The following ACBD3 variants were observed in gnomAD, a reference collection of about 807,000 sequenced individuals.
ACBD3 encodes acyl-CoA binding domain containing 3, also known as Golgi resident protein GCP60.
A neutral mutation model predicts 66.9 loss-of-function variants in ACBD3; 30 were observed. The observed-to-expected ratio is 0.45, with a 90% confidence interval of 0.34 to 0.61. The LOEUF is 0.61. ACBD3 is among the 20% of genes least tolerant of loss of function. ACBD3 has a pLI of 0.02. For missense variants in ACBD3, 544 were observed against 664.5 expected, an observed-to-expected ratio of 0.82 and a Z score of 1.99; for synonymous variants, 278 against 259.8, an observed-to-expected ratio of 1.07 and a Z score of -0.68.
chr1:226,159,365 A>G lies in ACBD3; in HGVS notation c.729-7T>C, dbSNP rs1240410003. 2 of 1,613,814 alleles carry G rather than the reference A, an allele frequency of 1.2e-6. No homozygotes were observed. Among genetic ancestry groups the G allele is most frequent in the African/African-American group, 1.3e-5 (1 of 74,916 alleles). On this transcript the variant is annotated splice_region_variant and splice_polypyrimidine_tract_variant and intron_variant, in intron 4 of 7. Transcript: ENST00000366812. ...AGCTGCCATTATCTGCTGCCTAAAA[A>G]CATTAAAAATATATATACTAGTCTG...
chr1:226,177,956 C>G (rs1299162040), intron 1 of ACBD3, among the ~76,000 whole-genome samples: 1 of 151,788 alleles, frequency 6.6e-6, no homozygotes, highest in Non-Finnish European at 1.5e-5. Context: ...CCATATTGCG[C>G]AGGCTGGTCT....
chr1:226,150,679 G>C (rs2102774206), intron 7 of ACBD3, among the ~76,000 whole-genome samples: 1 of 152,100 alleles, frequency 6.6e-6, no homozygotes, highest in African/African-American at 2.4e-5. Context: ...GTCCGGCCCA[G>C]GCTTTTTCAA....
intron 1 of ACBD3, among the ~76,000 whole-genome samples, chr1:226,167,361 T>C (rs907154879): frequency 6.6e-6 from 1 of 152,186 alleles, no homozygotes; most frequent in Non-Finnish European, 1.5e-5. Flanking sequence ...AGTTTATTCA[T>C]CAATAAAGAA....
Position 226,174,379 on chromosome 1 carries a change from A to G in ACBD3, c.287-8379T>C, listed in dbSNP as rs192376172. On this transcript the variant is annotated intron_variant, in intron 1 of 7. Transcript: ENST00000366812. ...CTTGGAAAAGAAAACATGCAGATAA[A>G]CCTCTAATTAAACATGATAGATTGA... Among the ~76,000 whole-genome samples the G allele has an allele frequency of 1.1e-3, 175 of 152,264 alleles. 1 individual carries two copies. Among genetic ancestry groups the G allele is most frequent in the Non-Finnish European group, 2.1e-3 (140 of 68,018 alleles).
chr1:226,178,649 C>T (rs1656104826), intron 1 of ACBD3, among the ~76,000 whole-genome samples: 1 of 149,636 alleles, frequency 6.7e-6, no homozygotes, highest in Admixed American at 6.7e-5. Context: ...TATTTTTTCT[C>T]TTCTCTCTGG....
chr1:226,149,879 T>C (rs1281607142), intron 7 of ACBD3, among the ~76,000 whole-genome samples: 1 of 151,744 alleles, frequency 6.6e-6, no homozygotes, highest in African/African-American at 2.4e-5. Context: ...TTTGTATGCA[T>C]ACAAAAAACT....
At chr1:226,163,391 AC>A (rs761535739) in intron 3 of ACBD3, among the ~76,000 whole-genome samples, 2 of 152,166 alleles carry the variant, frequency 1.3e-5, no homozygotes, top group Non-Finnish European at 2.9e-5. Flanking sequence ...CCCTAGCGAT[AC>A]CTGATTGATC....
Position 226,186,397 on chromosome 1 carries a change from G to A in ACBD3, c.279C>T (p.Phe93=), listed in dbSNP as rs1003507612. 18 of 1,519,486 alleles carry A rather than the reference G, an allele frequency of 1.2e-5. No individual in the cohort carries two copies. Among genetic ancestry groups the A allele is most frequent in the Non-Finnish European group, 1.6e-5 (18 of 1,133,906 alleles). 94.1% of individuals were successfully genotyped at this position (1,519,486 alleles called of 1,614,324 possible). The change falls in exon 1 of 8, where the codon TTC becomes TTT. Residue 93 remains phenylalanine, a synonymous_variant. Coordinates refer to ENST00000366812, the MANE Select transcript of ACBD3 (RefSeq NM_022735.4). ...GGGGCTGGCCCGGCTCACCTTTGAA[G>A]AAGCGCAGTGCCAGGCCGTACAACT... ...LEELYGLALR[F]FKEKDGKAFH... is the part of the protein sequence containing the mutation.
chr1:226,170,302 C>T (rs570052867), intron 1 of ACBD3, among the ~76,000 whole-genome samples: 170 of 148,714 alleles, frequency 1.1e-3, no homozygotes, highest in Non-Finnish European at 1.9e-3. Context: ...GGACTGCAGG[C>T]GCCCGCCACC....
chr1:226,165,840 T>C lies in ACBD3; in HGVS notation c.428+19A>G, dbSNP rs555922789. Reference sequence around the variant, plus strand: ...AACATTATCCTCATTAAATTCACTATACAGAAAAACACTGTTACCTCCTGT... The same window carrying C: ...AACATTATCCTCATTAAATTCACTACACAGAAAAACACTGTTACCTCCTGT... On this transcript the variant is annotated intron_variant, in intron 2 of 7. Transcript: ENST00000366812. 2 of 1,598,488 alleles carry C rather than the reference T, an allele frequency of 1.3e-6. No individual in the cohort carries two copies. The highest frequency in any genetic ancestry group is 1.8e-5 in the Admixed American group (1 of 55,184).
At chr1:226,185,810 T>C (rs557037993) in intron 1 of ACBD3, among the ~76,000 whole-genome samples, 18 of 152,130 alleles carry the variant, frequency 1.2e-4, no homozygotes, top group African/African-American at 3.9e-4. Flanking sequence ...CCTCAAGAGT[T>C]TGACAAGCCG....
intron 7 of ACBD3, among the ~76,000 whole-genome samples, chr1:226,149,537 T>A (rs1659524326): frequency 2.0e-5 from 2 of 102,182 alleles, no homozygotes; most frequent in Admixed American, 2.0e-4. Flanking sequence ...ATCTTTTTTT[T>A]TTTTTTTTTT....
At chr1:226,152,761 A>C in intron 6 of ACBD3, 142 bp from the exon 7 acceptor site, 1 of 797,296 alleles carries the variant, frequency 1.3e-6, no homozygotes, top group South Asian at 1.9e-5. Context: ...TTGGAGGAAT[A>C]AAAAAGCCTC....
At chr1:226,181,195 A>C (rs1243375203) in intron 1 of ACBD3, among the ~76,000 whole-genome samples, 1 of 152,194 alleles carries the variant, frequency 6.6e-6, no homozygotes, top group Non-Finnish European at 1.5e-5. Flanking sequence ...AGATAATAAA[A>C]GGGAAAAAGA....
chr1:226,158,071 ACT>A (rs918924276), intron 5 of ACBD3, among the ~76,000 whole-genome samples: 1 of 152,102 alleles, frequency 6.6e-6, no homozygotes, highest in African/African-American at 2.4e-5. Context: ...TCTTGAATAA[ACT>A]CTGGTTTGGC....
chr1:226,159,040 C>G (rs1185761329), intron 5 of ACBD3, 144 bp downstream of exon 5: 2 of 863,168 alleles, frequency 2.3e-6, no homozygotes, highest in African/African-American at 3.4e-5. Context: ...ATTCTCAAGT[C>G]TGCCTAAAAG....
At chr1:226,184,484 G>A (rs1022326799) in intron 1 of ACBD3, among the ~76,000 whole-genome samples, 2 of 152,036 alleles carry the variant, frequency 1.3e-5, no homozygotes, top group Non-Finnish European at 2.9e-5. Context: ...GTTTCCCCAG[G>A]ATTCCTACCA....
intron 4 of ACBD3, among the ~76,000 whole-genome samples, chr1:226,160,337 G>A (rs1487818847): frequency 6.6e-5 from 10 of 151,764 alleles, no homozygotes; most frequent in Admixed American, 5.9e-4. Flanking sequence ...CAAGTGATCC[G>A]CCCGCCTCGG....
chr1:226,172,116 C>T (rs1660004481), intron 1 of ACBD3, among the ~76,000 whole-genome samples: 1 of 136,314 alleles, frequency 7.3e-6, no homozygotes, highest in Non-Finnish European at 1.5e-5. Context: ...GATCGTGCCA[C>T]TGTACTCCAG....
Sources: allele counts gnomAD v4.1 joint callset (sites outside exome capture counted in the v4.1 genomes callset), GRCh38; gene constraint gnomAD v4.1.1; transcripts MANE v1.5; gene names NCBI Gene and HGNC (gene_info 2026-07-23, HGNC 2026-07-21).